The following TRIM16 variants were observed in gnomAD, a reference collection of about 807,000 sequenced individuals.
TRIM16 encodes the protein tripartite motif-containing protein 16.
A neutral mutation model predicts 50.4 loss-of-function variants in TRIM16; 33 were observed. That is an observed-to-expected ratio of 0.65 (90% confidence interval 0.50 to 0.88). TRIM16 has a LOEUF of 0.88. Among genes scored for constraint, TRIM16 ranks in the 40% least tolerant of loss-of-function variants. The probability of loss-of-function intolerance (pLI) is 0.00; values close to 1 mark genes in which losing one functional copy is unlikely to be tolerated. For missense variants in TRIM16, 581 were observed against 686.8 expected (o/e 0.85, Z 1.72); for synonymous variants, 229 against 270.7 (o/e 0.85, Z 1.51).
At chr17:15,669,411 T>C (rs1197887805) in intron 6 of TRIM16, among the ~76,000 whole-genome samples, 1 of 152,074 alleles carries the variant, frequency 6.6e-6, no homozygotes, top group African/African-American at 2.4e-5. Context: ...TAAAGTATAA[T>C]GTTGAAAGTT....
chr17:15,649,373 G>A (rs569859522), intron 7 of TRIM16, among the ~76,000 whole-genome samples: 21 of 152,028 alleles, frequency 1.4e-4, no homozygotes, highest in African/African-American at 4.6e-4. Flanking sequence ...TGCAACCTCC[G>A]CCTCCCAGGT....
At position 15,628,458 on chromosome 17, in the gene TRIM16, G is replaced by A; in HGVS notation, c.*157C>T. On this transcript the variant is annotated 3_prime_UTR_variant, in exon 12 of 12. Coordinates refer to ENST00000649191, the MANE Select transcript of TRIM16 (RefSeq NM_001348119.1). ...AAACACATAGAGAACAGCACCATAT[G>A]GAGCAAAAGAGAGCAGCTGGAGAAT... The A allele has an allele frequency of 3.1e-6, 2 of 638,196 alleles. No homozygotes were observed. The highest frequency in any genetic ancestry group is 3.0e-5 in the Admixed American group (1 of 33,742). The allele number at this position is 638,196 out of a possible 1,614,324, so 39.5% of individuals were successfully genotyped here.
intron 7 of TRIM16, among the ~76,000 whole-genome samples, chr17:15,644,247 G>A (rs866787303): frequency 6.6e-6 from 1 of 151,996 alleles, no homozygotes; most frequent in Admixed American, 6.6e-5. Flanking sequence ...GTGCAGTGGC[G>A]CGATCTCGAC....
chr17:15,648,234 A>AAAAAAAC (rs1261978885), intron 7 of TRIM16, among the ~76,000 whole-genome samples: 1 of 149,698 alleles, frequency 6.7e-6, no homozygotes, highest in South Asian at 2.1e-4. Flanking sequence ...TCAAAAAAAA[A>AAAAAAAC]AAAAAACAAA....
intron 6 of TRIM16, among the ~76,000 whole-genome samples, chr17:15,671,157 G>A (rs1038978600): frequency 1.3e-5 from 2 of 152,208 alleles, no homozygotes; most frequent in African/African-American, 4.8e-5. Context: ...TGAACTGACT[G>A]GGCCTCTAGA....
At position 15,677,686 on chromosome 17, in the gene TRIM16, G is replaced by C; in HGVS notation, c.-554C>G. ...TAGTGAAGTTCACAGCCACATCCTT[G>C]AATGACATAAAGCCCTGAAACACCT... On this transcript the variant is annotated 5_prime_UTR_variant, in exon 5 of 12. It introduces an in-frame stop codon into an upstream open reading frame of the 5' UTR. Transcript: ENST00000649191. The C allele has an allele frequency of 9.8e-7, 1 of 1,017,622 alleles. No homozygotes were observed. The highest frequency in any genetic ancestry group is 1.2e-6 in the Non-Finnish European group (1 of 845,942). The allele number at this position is 1,017,622 out of a possible 1,614,324, so 63.0% of individuals were successfully genotyped here.
At chr17:15,674,559 AG>A (rs1347260273) in intron 6 of TRIM16, among the ~76,000 whole-genome samples, 3 of 152,064 alleles carry the variant, frequency 2.0e-5, no homozygotes, top group Non-Finnish European at 4.4e-5. Context: ...CTTTAGATAA[AG>A]AAATCCATGG....
intron 6 of TRIM16, among the ~76,000 whole-genome samples, chr17:15,663,374 G>A (rs1406620282): frequency 6.6e-6 from 1 of 151,902 alleles, no homozygotes; most frequent in Non-Finnish European, 1.5e-5. Context: ...TATGACACAC[G>A]CCCTGCCCAT....
chr17:15,678,359 G>A (rs1030273885), intron 4 of TRIM16, among the ~76,000 whole-genome samples: 4 of 152,160 alleles, frequency 2.6e-5, no homozygotes, highest in African/African-American at 9.7e-5. Context: ...GCTGCTAACT[G>A]TCCATGAAAA....
chr17:15,660,064 G>A (rs529675493), intron 6 of TRIM16, among the ~76,000 whole-genome samples: 70 of 152,300 alleles, frequency 4.6e-4, no homozygotes, highest in Non-Finnish European at 6.5e-4. Context: ...GGGTCCTCTT[G>A]TTTTTACTAG....
At position 15,660,466 on chromosome 17, in the gene TRIM16, C is replaced by T. The variant is rs576894646; in HGVS notation, c.-337-8520G>A. Among the ~76,000 whole-genome samples the T allele has an allele frequency of 2.0e-4, 30 of 152,312 alleles. 1 individual carries two copies. The South Asian group carries it at 5.4e-3, about 27-fold the overall frequency. ...CTGCTGAAAACCAGATGGTTAAACA[C>T]TCCATATTTCTATACCCCTGATTGT... On this transcript the variant is annotated intron_variant, in intron 6 of 11. Coordinates refer to ENST00000649191, the MANE Select transcript of TRIM16 (RefSeq NM_001348119.1).
intron 9 of TRIM16, 41 bp downstream of exon 9, chr17:15,635,995 G>A (rs1321753383): frequency 6.2e-7 from 1 of 1,606,222 alleles, no homozygotes. Context: ...GGTGCTTCAT[G>A]GGGCAGCTGT....
chr17:15,638,257 TTA>T (rs1491533956), intron 8 of TRIM16, among the ~76,000 whole-genome samples: 4 of 117,640 alleles, frequency 3.4e-5, no homozygotes, highest in African/African-American at 9.5e-5. Context: ...AAAAATAAAT[TTA>T]AAAAAAAAAA....
At chr17:15,657,753 TC>T (rs1988042953) in intron 6 of TRIM16, among the ~76,000 whole-genome samples, 1 of 152,174 alleles carries the variant, frequency 6.6e-6, no homozygotes, top group Non-Finnish European at 1.5e-5. Context: ...TCAACAGAAA[TC>T]CCAACCTCCA....
intron 6 of TRIM16, among the ~76,000 whole-genome samples, chr17:15,666,778 C>T (rs563304285): frequency 1.8e-4 from 28 of 152,344 alleles, no homozygotes; most frequent in African/African-American, 6.3e-4. Context: ...GCATTCCATG[C>T]TATGTCTGTA....
chr17:15,637,090 G>GC (rs1259350208), intron 8 of TRIM16, among the ~76,000 whole-genome samples: 5 of 138,944 alleles, frequency 3.6e-5, no homozygotes, highest in South Asian at 2.4e-4. Context: ...TCTCCGCCCG[G>GC]CAGCCACCCC....
chr17:15,679,453 GAAGT>G (rs1301952694), intron 4 of TRIM16, among the ~76,000 whole-genome samples: 1 of 152,162 alleles, frequency 6.6e-6, no homozygotes, highest in Non-Finnish European at 1.5e-5. Context: ...CATACAGTGG[GAAGT>G]AAGTCTAACA....
chr17:15,648,086 C>T (rs1182993313), intron 7 of TRIM16, among the ~76,000 whole-genome samples: 1 of 151,890 alleles, frequency 6.6e-6, no homozygotes, highest in Admixed American at 6.6e-5. Context: ...ATTAGCCGGG[C>T]GTGGTGGCGA....
At chr17:15,632,895 A>G in intron 9 of TRIM16, 3 of 525,996 alleles carry the variant, frequency 5.7e-6, no homozygotes, top group Non-Finnish European at 9.3e-6. Context: ...AAAAAAAACA[A>G]GTGAGAACAT....
Sources: allele counts gnomAD v4.1 joint callset (sites outside exome capture counted in the v4.1 genomes callset), GRCh38; gene constraint gnomAD v4.1.1; transcripts MANE v1.5; gene names NCBI Gene and HGNC (gene_info 2026-07-23, HGNC 2026-07-21).